The following ACVR2A variants were observed in gnomAD, a reference collection of about 807,000 sequenced individuals.
ACVR2A encodes activin receptor type-2A.
Under a neutral mutation model 61.4 loss-of-function variants are expected in ACVR2A, and 7 were observed. The observed-to-expected ratio is 0.11, with a 90% CI of 0.06 to 0.21. The LOEUF (loss-of-function observed/expected upper bound fraction) is 0.21, where lower values mean the gene tolerates loss of function less well. Among genes scored for constraint, ACVR2A ranks in the 10% least tolerant of loss-of-function variants. ACVR2A has a pLI of 1.00. For missense variants in ACVR2A, 322 were observed against 621.7 expected (o/e 0.52, Z 5.13); for synonymous variants, 193 against 208.3 (o/e 0.93, Z 0.63).
intron 7 of ACVR2A, among the ~76,000 whole-genome samples, chr2:147,919,492 G>A (rs1182250183): frequency 6.6e-6 from 1 of 152,092 alleles, no homozygotes; most frequent in Non-Finnish European, 1.5e-5. Context: ...TATAGCATTT[G>A]GGAGTGTCTG....
In ACVR2A at chr2:147,866,737, A is replaced by G. The variant is rs541384722; in HGVS notation, c.55+21530A>G. Among the ~76,000 whole-genome samples the G allele has an allele frequency of 1.4e-4, 22 of 152,318 alleles. No homozygotes were observed. In the East Asian group the frequency reaches 2.3e-3, roughly 16 times the overall value. On this transcript the variant is annotated intron_variant, in intron 1 of 10. Transcript: ENST00000241416. ...AGCAGAAGAGTACTATTATCATTCA[A>G]TGCTTTAGAATGAAGAGATGAATTA...
At chr2:147,852,069 A>T (rs1685462645) in intron 1 of ACVR2A, among the ~76,000 whole-genome samples, 1 of 152,026 alleles carries the variant, frequency 6.6e-6, no homozygotes, top group South Asian at 2.1e-4. Context: ...TCTTTAAGTT[A>T]TGTTCAAATT....
chr2:147,865,483 T>C (rs1392503966), intron 1 of ACVR2A, among the ~76,000 whole-genome samples: 1 of 152,240 alleles, frequency 6.6e-6, no homozygotes, highest in Admixed American at 6.5e-5. Flanking sequence ...TCTCTTGTCC[T>C]GTTACACTCC....
intron 1 of ACVR2A, among the ~76,000 whole-genome samples, chr2:147,892,331 C>T (rs984540702): frequency 6.6e-6 from 1 of 151,350 alleles, no homozygotes; most frequent in African/African-American, 2.4e-5. Flanking sequence ...TCAGTTCATG[C>T]TATAATTTCT....
At chr2:147,891,951 C>G (rs1047617721) in intron 1 of ACVR2A, among the ~76,000 whole-genome samples, 1 of 147,706 alleles carries the variant, frequency 6.8e-6, no homozygotes, top group East Asian at 2.0e-4. Context: ...GGTAGCAGCC[C>G]TTCTTTTTTT....
intron 4 of ACVR2A, among the ~76,000 whole-genome samples, chr2:147,913,482 C>T (rs1274006895): frequency 6.6e-6 from 1 of 151,848 alleles, no homozygotes; most frequent in Non-Finnish European, 1.5e-5. Flanking sequence ...TGTCTTTATG[C>T]AGTTATACAA....
At chr2:147,885,469 AGTT>A (rs1048342148) in intron 1 of ACVR2A, among the ~76,000 whole-genome samples, 2 of 152,152 alleles carry the variant, frequency 1.3e-5, no homozygotes, top group African/African-American at 4.8e-5. Flanking sequence ...TACTCTTATA[AGTT>A]GTTGTGAAAA....
Position 147,891,954 on chromosome 2 carries a change from CT to C in ACVR2A, c.56-4339del, listed in dbSNP as rs1193490561. ...CAGATAAGTGGTGGTAGCAGCCCTT[CT>C]TTTTTTTGTTTTTTTTGTTTTGTTT... On this transcript the variant is annotated intron_variant, in intron 1 of 10. Coordinates refer to ENST00000241416, the MANE Select transcript of ACVR2A (RefSeq NM_001616.5). Among the ~76,000 whole-genome samples the C allele has an allele frequency of 4.1e-5, 6 of 146,636 alleles. No homozygotes were observed. In the East Asian group the frequency reaches 9.8e-4, roughly 24 times the overall value.
chr2:147,870,122 G>C (rs927593933), intron 1 of ACVR2A, among the ~76,000 whole-genome samples: 5 of 151,978 alleles, frequency 3.3e-5, no homozygotes, highest in African/African-American at 1.2e-4. Context: ...GGTGTTGTCA[G>C]GTGTGTGAGA....
intron 1 of ACVR2A, among the ~76,000 whole-genome samples, chr2:147,888,983 A>G (rs1429440597): frequency 2.0e-5 from 3 of 151,618 alleles, no homozygotes; most frequent in Admixed American, 1.3e-4. Flanking sequence ...GTTCCCTTCT[A>G]TTCCTAGTGT....
intron 10 of ACVR2A, 139 bp from the exon 11 acceptor site, chr2:147,926,941 A>T: frequency 1.3e-6 from 1 of 764,132 alleles, no homozygotes; most frequent in Non-Finnish European, 2.1e-6. Context: ...GATTCTGCAC[A>T]TGGTAGTCAA....
chr2:147,891,022 A>C (rs1686569616), intron 1 of ACVR2A, among the ~76,000 whole-genome samples: 1 of 152,196 alleles, frequency 6.6e-6, no homozygotes, highest in African/African-American at 2.4e-5. Context: ...TATCTTTTTA[A>C]TAAATAAAAT....
At position 147,845,063 on chromosome 2, in the gene ACVR2A, T is replaced by C; in HGVS notation, c.-90T>C. 1.9e-6 allele frequency: 2 copies of C among 1,036,300 alleles called. No homozygotes were observed. Among genetic ancestry groups the C allele is most frequent in the Non-Finnish European group, 2.9e-6 (2 of 685,298 alleles). 64.2% of individuals were successfully genotyped at this position (1,036,300 alleles called of 1,614,324 possible). A position where few individuals can be genotyped will look rare whatever the true frequency, so the allele number is the denominator to read the frequency against. ...TCCGAATATGTTTTATGACGGTTGATTTTACACCAGGAGGTTTGTCTCCGA... is the reference window on the plus strand; with the variant it reads ...TCCGAATATGTTTTATGACGGTTGACTTTACACCAGGAGGTTTGTCTCCGA... On this transcript the variant is annotated 5_prime_UTR_variant, in exon 1 of 11. Coordinates refer to ENST00000241416, the MANE Select transcript of ACVR2A (RefSeq NM_001616.5).
intron 4 of ACVR2A, among the ~76,000 whole-genome samples, chr2:147,902,022 TGTTAA>T (rs559669442): frequency 5.5e-4 from 83 of 152,144 alleles, no homozygotes; most frequent in African/African-American, 1.9e-3. Context: ...ACTAGGGCAC[TGTTAA>T]GTTATATTAT....
intron 1 of ACVR2A, among the ~76,000 whole-genome samples, chr2:147,857,788 A>G (rs1266248493): frequency 2.0e-5 from 3 of 152,148 alleles, no homozygotes; most frequent in Non-Finnish European, 4.4e-5. Context: ...CTACACACAC[A>G]AGCCCAAGCA....
intron 1 of ACVR2A, among the ~76,000 whole-genome samples, chr2:147,879,945 GCCTTAAA>G (rs1686256837): frequency 6.6e-6 from 1 of 152,082 alleles, no homozygotes. Flanking sequence ...TAATGCTTAT[GCCTTAAA>G]CCTCTTCCCT....
At chr2:147,906,860 A>T (rs1686999479) in intron 4 of ACVR2A, among the ~76,000 whole-genome samples, 1 of 143,078 alleles carries the variant, frequency 7.0e-6, no homozygotes, top group Admixed American at 7.2e-5. Context: ...TCTGGGATAC[A>T]TGTGCAGAAC....
At chr2:147,865,961 TAGAG>T (rs1450614350) in intron 1 of ACVR2A, among the ~76,000 whole-genome samples, 9 of 151,940 alleles carry the variant, frequency 5.9e-5, no homozygotes, top group Non-Finnish European at 7.4e-5. Flanking sequence ...ACCAGGTAAA[TAGAG>T]AGGGAGGAAT....
rs571873398 is a variant in ACVR2A, at chr2:147,904,034, G to C, written c.528+4136G>C. On this transcript the variant is annotated intron_variant, in intron 4 of 10. Coordinates refer to ENST00000241416, the MANE Select transcript of ACVR2A (RefSeq NM_001616.5). ...AGAAATCTTGAGGCCATGATTTTGT[G>C]GGGGGCTGTAAAATAAGTTGAAGTA... 2.0e-4 allele frequency among the ~76,000 whole-genome samples: 30 copies of C among 151,694 alleles called. 3 individuals carry two copies. The South Asian group carries it at 6.2e-3, about 31-fold the overall frequency.
Sources: allele counts gnomAD v4.1 joint callset (sites outside exome capture counted in the v4.1 genomes callset), GRCh38; gene constraint gnomAD v4.1.1; transcripts MANE v1.5; gene names NCBI Gene and HGNC (gene_info 2026-07-23, HGNC 2026-07-21).